The following SLC44A1 variants were observed in gnomAD, a reference collection of about 807,000 sequenced individuals.
SLC44A1 encodes solute carrier family 44 member 1.
In SLC44A1, 26 loss-of-function variants were observed where a neutral mutation model predicts 79.3. The ratio of observed to expected loss-of-function variants is 0.33; its 90% CI spans 0.24 to 0.46. The LOEUF is 0.46. Among genes scored for constraint, SLC44A1 ranks in the 20% least tolerant of loss-of-function variants. SLC44A1 has a pLI of 1.00. For missense variants in SLC44A1, 688 were observed against 798.1 expected, an observed-to-expected ratio of 0.86 and a Z score of 1.66; for synonymous variants, 263 against 286.2, an observed-to-expected ratio of 0.92 and a Z score of 0.82.
At position 105,391,859 on chromosome 9, in the gene SLC44A1, C is replaced by A. The variant is rs1290868426; in HGVS notation, c.*2803C>A. The A allele has an allele frequency of 1.3e-5, 13 of 985,200 alleles. No homozygotes were observed. Among genetic ancestry groups the A allele is most frequent in the Non-Finnish European group, 1.6e-5 (13 of 829,894 alleles). 61.0% of individuals were successfully genotyped at this position (985,200 alleles called of 1,614,324 possible). A position where few individuals can be genotyped will look rare whatever the true frequency, so the allele number is the denominator to read the frequency against. ...GTTTTTGTCTTCTTCTGTGGTGAAT[C>A]TTCAAAACTGTATTCAGGACTCATA... On this transcript the variant is annotated 3_prime_UTR_variant, in exon 16 of 16. Transcript: ENST00000374720.
chr9:105,246,331 G>A (rs1247763674), intron 1 of SLC44A1, among the ~76,000 whole-genome samples: 1 of 149,518 alleles, frequency 6.7e-6, no homozygotes, highest in Non-Finnish European at 1.5e-5. Flanking sequence ...GGGGACATTT[G>A]TGTTTTATTA....
At position 105,247,908 on chromosome 9, in the gene SLC44A1, G is replaced by GT. The variant is rs561350345; in HGVS notation, c.36+3007dup. Among the ~76,000 whole-genome samples, 7 of 152,324 alleles carry GT rather than the reference G, an allele frequency of 4.6e-5. No individual in the cohort carries two copies. In the South Asian group the frequency reaches 1.0e-3, roughly 23 times the overall value. ...CCTCTTCTAAACTCAAACCTGGACTGTTTAAGTTAAAATTTACCTGCCTTT... is the reference window on the plus strand; with the variant it reads ...CCTCTTCTAAACTCAAACCTGGACTGTTTTAAGTTAAAATTTACCTGCCTTT... On this transcript the variant is annotated intron_variant, in intron 1 of 15. Coordinates refer to ENST00000374720, the MANE Select transcript of SLC44A1 (RefSeq NM_080546.5).
Position 105,392,337 on chromosome 9 carries a change from C to T in SLC44A1, c.*3281C>T. The T allele has an allele frequency of 5.1e-6, 5 of 981,786 alleles. No individual in the cohort carries two copies. Among genetic ancestry groups the T allele is most frequent in the African/African-American group, 3.6e-5 (2 of 56,186 alleles). 60.8% of individuals were successfully genotyped at this position (981,786 alleles called of 1,614,324 possible). On this transcript the variant is annotated 3_prime_UTR_variant, in exon 16 of 16. Transcript: ENST00000374720. Reference sequence around the variant, plus strand: ...ATAATGGTTAAGGAGGAGGCACTTACTGAGTTTATTTTAAAGTTATGCTAG... The same window carrying T: ...ATAATGGTTAAGGAGGAGGCACTTATTGAGTTTATTTTAAAGTTATGCTAG...
chr9:105,328,050 T>G (rs1826635812), intron 3 of SLC44A1, among the ~76,000 whole-genome samples: 1 of 152,250 alleles, frequency 6.6e-6, no homozygotes, highest in South Asian at 2.1e-4. Context: ...TCTTCTTCCT[T>G]ACCTTCACTC....
At chr9:105,317,394 T>G (rs2131324340) in intron 3 of SLC44A1, among the ~76,000 whole-genome samples, 1 of 152,214 alleles carries the variant, frequency 6.6e-6, no homozygotes, top group Non-Finnish European at 1.5e-5. Context: ...AAGGTAAGTT[T>G]ATGGAGATGT....
At chr9:105,335,954 G>C (rs1204082594) in intron 4 of SLC44A1, among the ~76,000 whole-genome samples, 1 of 151,950 alleles carries the variant, frequency 6.6e-6, no homozygotes, top group Admixed American at 6.6e-5. Flanking sequence ...AAATATCTCA[G>C]GTGACTTTGA....
Position 105,413,963 on chromosome 9 carries a change from C to G in SLC44A1, c.1951-24318C>G, listed in dbSNP as rs77590537. Among the ~76,000 whole-genome samples, 504 of 150,088 alleles carry G rather than the reference C, an allele frequency of 3.4e-3. 2 individuals carry two copies. Among genetic ancestry groups the G allele is most frequent in the African/African-American group, 0.012 (489 of 40,612 alleles). ...ATGACCTTTAAAGTCTATTCCAGTG[C>G]AAACATTTTTCTAAGAGTCAGAAAG... On this transcript the variant is annotated intron_variant, in intron 15 of 15. Coordinates refer to the SLC44A1 transcript ENST00000374724.
At chr9:105,379,218 T>C (rs1828386326) in intron 13 of SLC44A1, among the ~76,000 whole-genome samples, 1 of 152,132 alleles carries the variant, frequency 6.6e-6, no homozygotes, top group African/African-American at 2.4e-5. Context: ...GAGGCTTCAG[T>C]GAGCCGTGAT....
chr9:105,296,262 A>G (rs1830718726), intron 1 of SLC44A1, among the ~76,000 whole-genome samples: 1 of 152,118 alleles, frequency 6.6e-6, no homozygotes, highest in South Asian at 2.1e-4. Context: ...CTTCCATACT[A>G]CTTAAGACTC....
intron 2 of SLC44A1, among the ~76,000 whole-genome samples, chr9:105,307,902 A>G (rs1193342295): frequency 6.6e-6 from 1 of 151,892 alleles, no homozygotes; most frequent in East Asian, 1.9e-4. Context: ...GAGTCAGGAG[A>G]GGGGGAGAGG....
chr9:105,329,910 A>G (rs1488847615), intron 3 of SLC44A1, among the ~76,000 whole-genome samples: 1 of 151,984 alleles, frequency 6.6e-6, no homozygotes, highest in African/African-American at 2.4e-5. Context: ...CTTATCCTCC[A>G]TGCAGAATTA....
intron 15 of SLC44A1, among the ~76,000 whole-genome samples, chr9:105,424,379 G>A (rs1829293087): frequency 6.6e-6 from 1 of 152,298 alleles, no homozygotes; most frequent in African/African-American, 2.4e-5. Context: ...GCTTGCCCTT[G>A]TGGGCTCAGG....
rs564071176 is a variant in SLC44A1, at chr9:105,276,887, A to G, written c.37-22333A>G. Reference sequence around the variant, plus strand: ...TATAAAAACTTGACTTTTGTTCTGCATGTGACAGGAAGATATTATGGGGTT... The same window carrying G: ...TATAAAAACTTGACTTTTGTTCTGCGTGTGACAGGAAGATATTATGGGGTT... On this transcript the variant is annotated intron_variant, in intron 1 of 15. Transcript: ENST00000374720. Among the ~76,000 whole-genome samples the G allele has an allele frequency of 6.6e-5, 10 of 152,322 alleles. No homozygotes were observed. The South Asian group carries it at 2.1e-3, about 32-fold the overall frequency.
intron 3 of SLC44A1, among the ~76,000 whole-genome samples, chr9:105,334,441 TG>T (rs1294668809): frequency 6.6e-6 from 1 of 152,190 alleles, no homozygotes; most frequent in African/African-American, 2.4e-5. Context: ...CTTTTCAGTT[TG>T]TTCTCCTAAT....
At chr9:105,265,486 T>C (rs968532658) in intron 1 of SLC44A1, among the ~76,000 whole-genome samples, 11 of 152,254 alleles carry the variant, frequency 7.2e-5, no homozygotes, top group Non-Finnish European at 1.6e-4. Flanking sequence ...TTTTTATGGC[T>C]AAGTAGTATT....
At chr9:105,421,351 G>A (rs1056538910) in intron 15 of SLC44A1, among the ~76,000 whole-genome samples, 3 of 152,190 alleles carry the variant, frequency 2.0e-5, no homozygotes, top group African/African-American at 4.8e-5. Flanking sequence ...TAAGAATCAT[G>A]AGACAGAGAG....
rs34048538 is a variant in SLC44A1, at chr9:105,390,430, CAAAAAAAAAAA to C, written c.*1385_*1395del. 7.0e-3 allele frequency: 5,771 copies of C among 825,158 alleles called. 29 individuals are homozygous for C. Among genetic ancestry groups the C allele is most frequent in the Middle Eastern group, 0.016 (24 of 1,534 alleles). 51.1% of individuals were successfully genotyped at this position (825,158 alleles called of 1,614,324 possible). A position where few individuals can be genotyped will look rare whatever the true frequency, so the allele number is the denominator to read the frequency against. On this transcript the variant is annotated 3_prime_UTR_variant, in exon 16 of 16. Coordinates refer to ENST00000374720, the MANE Select transcript of SLC44A1 (RefSeq NM_080546.5). ...TATTGCACTAAATACAGGCTCTGTA[CAAAAAAAAAAA>C]AAAAAAAAAAGCCTCAGCATTTTAT...
intron 15 of SLC44A1, among the ~76,000 whole-genome samples, chr9:105,429,080 C>T (rs1205844214): frequency 3.3e-5 from 5 of 152,230 alleles, no homozygotes; most frequent in Admixed American, 6.5e-5. Flanking sequence ...TAATGAGTTA[C>T]TGGGCATATG....
In SLC44A1 at chr9:105,396,635, G is replaced by A. The variant is rs1437921754; in HGVS notation, c.*7579G>A. ...TGATATGAGCAGAAAACACACATCG[G>A]TGTGTCTTGATTTCTCGCAGCTGTG... On this transcript the variant is annotated 3_prime_UTR_variant, in exon 16 of 16. Coordinates refer to ENST00000374720, the MANE Select transcript of SLC44A1 (RefSeq NM_080546.5). 3 of 985,184 alleles carry A rather than the reference G, an allele frequency of 3.0e-6. No homozygotes were observed. Among genetic ancestry groups the A allele is most frequent in the Non-Finnish European group, 3.6e-6 (3 of 829,928 alleles). 61.0% of individuals were successfully genotyped at this position (985,184 alleles called of 1,614,324 possible).
Sources: allele counts gnomAD v4.1 joint callset (sites outside exome capture counted in the v4.1 genomes callset), GRCh38; gene constraint gnomAD v4.1.1; transcripts MANE v1.5; gene names NCBI Gene and HGNC (gene_info 2026-07-23, HGNC 2026-07-21).